Variants in MICALL2 observed in about 807,000 individuals in gnomAD.
The protein encoded by MICALL2 is MICAL-like protein 2.
MICALL2 carries 111 observed loss-of-function variants against 91.1 expected under a neutral mutation model. That is an observed-to-expected ratio of 1.22 (90% CI 1.04 to 1.43). MICALL2 has a LOEUF of 1.43. Ranked by LOEUF, MICALL2 falls within the 40% of genes most tolerant of loss-of-function variation. The pLI is 0.00. For synonymous variants in MICALL2, 694 were observed against 525.3 expected (o/e 1.32, Z -4.39); for missense variants, 1,556 against 1,236.0 (o/e 1.26, Z -3.88).
At chr7:1,440,531 C>T (rs544552747) in intron 8 of MICALL2, 60 bp downstream of exon 8, 3 of 1,427,586 alleles carry the variant, frequency 2.1e-6, no homozygotes, top group East Asian at 2.3e-5. Flanking sequence ...TACATACTCA[C>T]TGCATTTATT....
At chr7:1,437,228 C>T (rs1340589422) in intron 14 of MICALL2, 1 of 496,956 alleles carries the variant, frequency 2.0e-6, no homozygotes, top group Non-Finnish European at 3.5e-6. Context: ...CTCGCCCTGA[C>T]TGCTGCTACA....
At chr7:1,458,921 G>T (rs1450251560) in intron 1 of MICALL2, among the ~76,000 whole-genome samples, 1 of 152,234 alleles carries the variant, frequency 6.6e-6, no homozygotes, top group Non-Finnish European at 1.5e-5. Context: ...GGACTGGACT[G>T]AAGCCAGGGC....
In MICALL2 at chr7:1,446,789, C is replaced by T. The variant is rs780677911; in HGVS notation, c.565G>A (p.Gly189Arg). 32 of 1,606,676 alleles carry T rather than the reference C, an allele frequency of 2.0e-5. No individual in the cohort carries two copies. The highest frequency in any genetic ancestry group is 3.4e-4 in the Middle Eastern group (2 of 5,820). ...AGGTGCACGTGCTTGCCGCAGACCCCGCAGGTGCTGCTGACCAAGCTGCCC... is the reference window on the plus strand; with the variant it reads ...AGGTGCACGTGCTTGCCGCAGACCCTGCAGGTGCTGCTGACCAAGCTGCCC... ...LAGSLVSSTC[G>R]VCGKHVHLVQ... is the part of the protein sequence containing the mutation. The change falls in exon 5 of 17, where the codon GGG (glycine) becomes AGG (arginine). Residue 189 changes from glycine (G) to arginine (R), a missense_variant. Gly to Arg is a moderately radical substitution (Grantham distance 125). Coordinates refer to ENST00000297508, the MANE Select transcript of MICALL2 (RefSeq NM_182924.4).
Position 1,437,994 on chromosome 7 carries a change from C to G in MICALL2, c.2312-14G>C. Reference sequence around the variant, plus strand: ...CCTCAGCGTCATCTGGGGAGAGGAGCCAGCTGGGGCAGGGGGGCCCGCCAG... The same window carrying G: ...CCTCAGCGTCATCTGGGGAGAGGAGGCAGCTGGGGCAGGGGGGCCCGCCAG... On this transcript the variant is annotated splice_polypyrimidine_tract_variant and intron_variant, in intron 12 of 16. Transcript: ENST00000297508. The G allele has an allele frequency of 1.3e-6, 2 of 1,550,806 alleles. No homozygotes were observed. The highest frequency in any genetic ancestry group is 1.7e-6 in the Non-Finnish European group (2 of 1,147,732).
At chr7:1,434,813 G>A (rs1291266404) in intron 16 of MICALL2, 141 bp from the exon 17 acceptor site, 2 of 918,014 alleles carry the variant, frequency 2.2e-6, no homozygotes, top group Non-Finnish European at 3.2e-6. Context: ...AGGAAGCCCT[G>A]TGCCCTCCCA....
intron 2 of MICALL2, 145 bp downstream of exon 2, chr7:1,450,095 C>G: frequency 1.4e-6 from 1 of 693,966 alleles, no homozygotes; most frequent in Non-Finnish European, 2.6e-6. Flanking sequence ...GACGCGTTGC[C>G]GGGCTGGTCA....
intron 5 of MICALL2, among the ~76,000 whole-genome samples, chr7:1,446,024 G>C (rs1183627359): frequency 2.7e-5 from 4 of 147,898 alleles, no homozygotes; most frequent in African/African-American, 1.0e-4. Context: ...TCTTGACGGG[G>C]GCACTGGAGG....
rs61090716 is a variant in MICALL2 at position 1,459,222 on chromosome 7, A to G, written c.105T>C (p.Ala35=). 7.3e-3 allele frequency: 11,701 copies of G among 1,611,062 alleles called. 572 individuals are homozygous for G. In the African/African-American group the frequency reaches 0.11, roughly 15 times the overall value. ...NMTTSFRDGL[A]FCAILHRHRP... ...GGTGGCGGTGCAGGATGGCGCAGAA[A>G]GCCAGGCCGTCGCGGAACGACGTGG... Residue 35 remains alanine, a synonymous_variant, in exon 1 of 17, where the codon GCT becomes GCC. Coordinates refer to ENST00000297508, the MANE Select transcript of MICALL2 (RefSeq NM_182924.4).
At chr7:1,443,602 A>G (rs1206632236) in intron 6 of MICALL2, among the ~76,000 whole-genome samples, 1 of 152,342 alleles carries the variant, frequency 6.6e-6, no homozygotes, top group African/African-American at 2.4e-5. Flanking sequence ...ACCCTAGTCC[A>G]ACAACCATGT....
rs148385672 is a variant in MICALL2 at position 1,444,557 on chromosome 7, G to A, written c.1418+95C>T. The A allele has an allele frequency of 2.6e-3, 3,150 of 1,222,786 alleles. 101 individuals carry two copies. The East Asian group carries it at 0.066, about 26-fold the overall frequency. The allele number at this position is 1,222,786 out of a possible 1,614,324, so 75.7% of individuals were successfully genotyped here. On this transcript the variant is annotated intron_variant, in intron 6 of 16. Transcript: ENST00000297508. ...GCAGTCCCCAAGGCCACACAGCCAG[G>A]GAGGTGCAGCGCCCCCAACCCCTCT...
At chr7:1,448,345 G>C (rs1210377361) in intron 3 of MICALL2, among the ~76,000 whole-genome samples, 1 of 152,264 alleles carries the variant, frequency 6.6e-6, no homozygotes, top group Admixed American at 6.5e-5. Context: ...CCTTGGGGAA[G>C]CAGCGGGGGC....
chr7:1,442,417 A>C lies in MICALL2; in HGVS notation c.1486T>G (p.Leu496Val). The change falls in exon 7 of 17, where the codon TTA becomes GTA. Residue 496 changes from leucine (L) to valine (V), a missense_variant. Physicochemically the swap from Leu to Val is conservative, Grantham distance 32. Coordinates refer to ENST00000297508, the MANE Select transcript of MICALL2 (RefSeq NM_182924.4). ...GACGAGGACTGTAACGGCTTGGCTA[A>C]GGGACTTGCTTGTGGTGCTTCAGTT... ...PKTEAPQASP[L>V]AKPLQSSSPR... is the part of the protein sequence containing the mutation. The C allele has an allele frequency of 6.3e-7, 1 of 1,585,978 alleles. No homozygotes were observed. The highest frequency in any genetic ancestry group is 8.6e-7 in the Non-Finnish European group (1 of 1,164,712).
intron 1 of MICALL2, among the ~76,000 whole-genome samples, chr7:1,456,208 G>A (rs959716369): frequency 6.8e-5 from 10 of 147,046 alleles, no homozygotes; most frequent in Non-Finnish European, 1.6e-4. Flanking sequence ...ATTACTTGAG[G>A]CCAGGAGTTC....
intron 6 of MICALL2, among the ~76,000 whole-genome samples, chr7:1,442,855 G>A (rs1780375183): frequency 6.6e-6 from 1 of 152,150 alleles, no homozygotes; most frequent in African/African-American, 2.4e-5. Flanking sequence ...CACCCACCCA[G>A]GCTGGAGGCA....
In MICALL2 at chr7:1,452,260, G is replaced by T. The variant is rs955179560; in HGVS notation, c.144-1972C>A. The stretch of plus-strand genomic sequence containing the variant: ...CCCTGGGCTCAGTGGCAGCGAAAGC[G>T]GTTTCCGTCTGCTCGGGCCTGGGCC... On this transcript the variant is annotated intron_variant, in intron 1 of 16. Transcript: ENST00000297508. This position sits in a 1 kb window ranked among gnomAD's most constrained non-coding sequence, Gnocchi z 6.2. Among the ~76,000 whole-genome samples, 2 of 152,190 alleles carry T rather than the reference G, an allele frequency of 1.3e-5. No homozygotes were observed. The highest frequency in any genetic ancestry group is 2.9e-5 in the Non-Finnish European group (2 of 68,022).
intron 16 of MICALL2, 37 bp downstream of exon 16, chr7:1,435,064 C>T: frequency 6.2e-7 from 1 of 1,609,802 alleles, no homozygotes; most frequent in Non-Finnish European, 8.5e-7. Flanking sequence ...CCCACCCAGC[C>T]AGCCAGCCCA....
intron 4 of MICALL2, 28 bp downstream of exon 4, chr7:1,447,547 C>T: frequency 2.9e-6 from 4 of 1,377,404 alleles, no homozygotes; most frequent in Non-Finnish European, 3.9e-6. Context: ...ACCCAGAGAA[C>T]CAGGGGGAGG....
intron 1 of MICALL2, among the ~76,000 whole-genome samples, chr7:1,456,890 G>A (rs570080282): frequency 3.2e-4 from 48 of 152,194 alleles, no homozygotes; most frequent in African/African-American, 1.1e-3. Context: ...AGGCCCCCAC[G>A]CCCCAACACC....
At chr7:1,455,885 G>A (rs1441642500) in intron 1 of MICALL2, among the ~76,000 whole-genome samples, 2 of 152,028 alleles carry the variant, frequency 1.3e-5, no homozygotes, top group Admixed American at 6.6e-5. Context: ...AGGGGAATGA[G>A]GTGGCAAGGG....
Sources: allele counts gnomAD v4.1 joint callset (sites outside exome capture counted in the v4.1 genomes callset), GRCh38; gene constraint gnomAD v4.1.1; non-coding constraint Gnocchi (gnomAD v3.1); transcripts MANE v1.5; gene names NCBI Gene and HGNC (gene_info 2026-07-23, HGNC 2026-07-21).